The following GMPS variants were observed in gnomAD, a reference collection of about 807,000 sequenced individuals.
GMPS encodes guanosine monophosphate synthase.
In GMPS, 15 loss-of-function variants were observed where a neutral mutation model predicts 77.9. That is an observed-to-expected ratio of 0.19 (90% CI 0.13 to 0.30). The LOEUF is 0.30. Ranked by LOEUF, GMPS falls within the 10% of genes least tolerant of loss-of-function variation. GMPS has a pLI of 1.00. For synonymous variants in GMPS, 224 were observed against 275.9 expected (o/e 0.81, Z 1.86); for missense variants, 590 against 838.8 (o/e 0.70, Z 3.66).
In GMPS at chr3:155,932,460, TTTAGA is replaced by T. The variant is rs534066001; in HGVS notation, c.1676+584_1676+588del. On this transcript the variant is annotated intron_variant, in intron 13 of 15. Transcript: ENST00000496455. ...GTTACATTTAAATATATAATTTACA[TTTAGA>T]TTAATTTCCCTTTAATTTGCATATT... Among the ~76,000 whole-genome samples the T allele has an allele frequency of 1.4e-3, 209 of 152,306 alleles. No homozygotes were observed. In the Middle Eastern group the frequency reaches 0.02, roughly 15 times the overall value.
intron 1 of GMPS, among the ~76,000 whole-genome samples, chr3:155,881,164 G>GT (rs11334499): frequency 0.039 from 2,042 of 52,352 alleles, 40 homozygotes; most frequent in Non-Finnish European, 0.051. Flanking sequence ...TTTGATATTA[G>GT]TTTTTTTTTT....
intron 1 of GMPS, among the ~76,000 whole-genome samples, chr3:155,871,348 G>A (rs568764180): frequency 6.6e-6 from 1 of 152,246 alleles, no homozygotes; most frequent in African/African-American, 2.4e-5. Flanking sequence ...GGCAGGGCAG[G>A]GTCGGGGCCT....
At chr3:155,873,871 G>A (rs912263410) in intron 1 of GMPS, among the ~76,000 whole-genome samples, 25 of 151,940 alleles carry the variant, frequency 1.6e-4, no homozygotes, top group African/African-American at 5.1e-4. Context: ...TCCTGGCCTC[G>A]TGATCCACCT....
intron 8 of GMPS, among the ~76,000 whole-genome samples, chr3:155,915,428 G>A (rs750219711): frequency 1.3e-5 from 2 of 151,466 alleles, no homozygotes; most frequent in African/African-American, 2.4e-5. Flanking sequence ...TTGAGATGGA[G>A]TCTCACTCTG....
chr3:155,929,583 T>TACAA (rs1755548182), intron 12 of GMPS, among the ~76,000 whole-genome samples: 1 of 148,524 alleles, frequency 6.7e-6, no homozygotes, highest in Non-Finnish European at 1.5e-5. Flanking sequence ...TGTCCCTGTT[T>TACAA]GCAGACAACA....
At chr3:155,925,460 A>G (rs748480147) in intron 12 of GMPS, 94 bp downstream of exon 12, 2 of 981,506 alleles carry the variant, frequency 2.0e-6, no homozygotes, top group South Asian at 3.6e-5. Flanking sequence ...GCTGGAGCGC[A>G]GTGGCGTGAT....
chr3:155,917,925 A>G (rs907866483), intron 9 of GMPS, among the ~76,000 whole-genome samples: 6 of 152,176 alleles, frequency 3.9e-5, no homozygotes, highest in African/African-American at 1.4e-4. Flanking sequence ...CTATATGTAT[A>G]TAACACATTT....
chr3:155,919,722 A>G (rs1208669103), intron 10 of GMPS, among the ~76,000 whole-genome samples: 1 of 152,228 alleles, frequency 6.6e-6, no homozygotes, highest in Non-Finnish European at 1.5e-5. Flanking sequence ...TGAGGATTTA[A>G]ATTTAGCTCT....
At chr3:155,937,148 A>G (rs931363396) in intron 15 of GMPS, among the ~76,000 whole-genome samples, 3 of 152,202 alleles carry the variant, frequency 2.0e-5, no homozygotes, top group Admixed American at 6.5e-5. Flanking sequence ...TCTCCTGTAT[A>G]CTTGATAATG....
At chr3:155,879,215 G>A (rs1347669568) in intron 1 of GMPS, among the ~76,000 whole-genome samples, 1 of 150,070 alleles carries the variant, frequency 6.7e-6, no homozygotes, top group Non-Finnish European at 1.5e-5. Flanking sequence ...GGTCAAGTTC[G>A]TACCTGAAAT....
rs751195711 is a variant in GMPS, at chr3:155,942,895, T to C, written c.*5203T>C. On this transcript the variant is annotated 3_prime_UTR_variant, in exon 16 of 16. Transcript: ENST00000496455. ...TTACCTAGCTGCAACCTAAGTTTCC[T>C]GAATTAGAATCATTTGAGCAGCACC... 2.5e-5 allele frequency: 5 copies of C among 199,746 alleles called. No individual in the cohort carries two copies. The highest frequency in any genetic ancestry group is 4.1e-5 in the Non-Finnish European group (4 of 96,822). The allele number at this position is 199,746 out of a possible 1,614,324, so 12.4% of individuals were successfully genotyped here. A position where few individuals can be genotyped will look rare whatever the true frequency, so the allele number is the denominator to read the frequency against.
chr3:155,875,796 T>C (rs1295760729), intron 1 of GMPS, among the ~76,000 whole-genome samples: 1 of 152,214 alleles, frequency 6.6e-6, no homozygotes, highest in Non-Finnish European at 1.5e-5. Flanking sequence ...TGCTTTATTA[T>C]AGTAAAAACA....
intron 1 of GMPS, among the ~76,000 whole-genome samples, chr3:155,891,794 C>T (rs901115291): frequency 6.6e-6 from 1 of 151,828 alleles, no homozygotes; most frequent in Non-Finnish European, 1.5e-5. Flanking sequence ...TTAGTAGAGG[C>T]AGGGTTTTTC....
At chr3:155,884,564 A>G (rs1457856600) in intron 1 of GMPS, among the ~76,000 whole-genome samples, 2 of 152,186 alleles carry the variant, frequency 1.3e-5, no homozygotes, top group Non-Finnish European at 2.9e-5. Flanking sequence ...TTGAAACTCG[A>G]GGGGAAAATT....
intron 6 of GMPS, 89 bp from the exon 7 acceptor site, chr3:155,911,025 A>G (rs1755024188): frequency 8.5e-7 from 1 of 1,183,240 alleles, no homozygotes; most frequent in Non-Finnish European, 1.2e-6. Flanking sequence ...TTTGGTATAA[A>G]TAGCACTTTT....
At position 155,919,408 on chromosome 3, in the gene GMPS, C is replaced by G; in HGVS notation, c.1318+70C>G. 4.2e-6 allele frequency: 3 copies of G among 720,602 alleles called. No homozygotes were observed. The South Asian group carries it at 5.0e-5, about 12-fold the overall frequency. The allele number at this position is 720,602 out of a possible 1,614,324, so 44.6% of individuals were successfully genotyped here. Reference sequence around the variant, plus strand: ...CATGTTGAAGAAAAATCAATTCAGACAATTCTGAAATAATCTGTCATCTCA... The same window carrying G: ...CATGTTGAAGAAAAATCAATTCAGAGAATTCTGAAATAATCTGTCATCTCA... On this transcript the variant is annotated intron_variant, in intron 10 of 15. Coordinates refer to ENST00000496455, the MANE Select transcript of GMPS (RefSeq NM_003875.3).
intron 1 of GMPS, among the ~76,000 whole-genome samples, chr3:155,885,788 C>G (rs1490898753): frequency 6.6e-6 from 1 of 152,148 alleles, no homozygotes; most frequent in Non-Finnish European, 1.5e-5. Flanking sequence ...ACTTGAAAGA[C>G]TCATGTACTA....
chr3:155,879,766 T>C (rs1482049445), intron 1 of GMPS, among the ~76,000 whole-genome samples: 1 of 127,394 alleles, frequency 7.8e-6, no homozygotes, highest in Non-Finnish European at 1.6e-5. Flanking sequence ...AGTCTCGCAC[T>C]GTTCCCCGGG....
chr3:155,879,425 A>G (rs533195306), intron 1 of GMPS, among the ~76,000 whole-genome samples: 1 of 150,932 alleles, frequency 6.6e-6, no homozygotes, highest in East Asian at 2.0e-4. Flanking sequence ...GCGCCACCAC[A>G]CTGGCTAATT....
Sources: gnomAD v4.1 joint callset for allele counts (sites outside exome capture counted in the v4.1 genomes callset) on GRCh38, gnomAD v4.1.1 for gene constraint, MANE v1.5 for transcripts, NCBI Gene and HGNC (gene_info 2026-07-23, HGNC 2026-07-21) for gene names.